The following CRYZL1 variants were observed in gnomAD, a reference collection of about 807,000 sequenced individuals.
The protein encoded by CRYZL1 is crystallin zeta like 1.
Under a neutral mutation model 50.6 loss-of-function variants are expected in CRYZL1, and 34 were observed. The ratio of observed to expected loss-of-function variants is 0.67; its 90% CI spans 0.51 to 0.89. CRYZL1 has a LOEUF of 0.89. CRYZL1 is among the 40% of genes least tolerant of loss of function. The pLI, the probability that CRYZL1 is intolerant of heterozygous loss-of-function variation, is 0.00. For synonymous variants in CRYZL1, 125 were observed against 134.3 expected (o/e 0.93, Z 0.48); for missense variants, 354 against 402.3 (o/e 0.88, Z 1.03).
At chr21:33,640,543 G>A (rs1305537932) in intron 1 of CRYZL1, among the ~76,000 whole-genome samples, 3 of 152,046 alleles carry the variant, frequency 2.0e-5, no homozygotes, top group Non-Finnish European at 2.9e-5. Flanking sequence ...AATAATACCT[G>A]CAAAGCACTC....
chr21:33,608,900 CTA>C (rs1374732228), intron 6 of CRYZL1, among the ~76,000 whole-genome samples: 1 of 152,122 alleles, frequency 6.6e-6, no homozygotes, highest in Non-Finnish European at 1.5e-5. Flanking sequence ...TATGGTAATT[CTA>C]TGTTTTGATT....
intron 3 of CRYZL1, among the ~76,000 whole-genome samples, chr21:33,622,867 G>T (rs185314320): frequency 8.1e-4 from 123 of 151,946 alleles, no homozygotes; most frequent in African/African-American, 2.8e-3. Context: ...ATACTTGATG[G>T]TCAGAAGTCT....
chr21:33,592,032 TAA>T (rs975439150), intron 11 of CRYZL1, among the ~76,000 whole-genome samples: 6 of 152,150 alleles, frequency 3.9e-5, no homozygotes, highest in Middle Eastern at 3.4e-3. Flanking sequence ...CATTATACAT[TAA>T]GTCATCTCTA....
intron 1 of CRYZL1, among the ~76,000 whole-genome samples, chr21:33,635,165 G>C (rs1033609862): frequency 1.3e-5 from 2 of 151,796 alleles, no homozygotes; most frequent in African/African-American, 4.8e-5. Flanking sequence ...TGGTAGAATG[G>C]ATGGTATTCA....
In CRYZL1 at chr21:33,611,822, T is replaced by G. The variant is rs183958082; in HGVS notation, c.331+1716A>C. ...CCACCCAACTTTCCATCCTCTACCT[T>G]TTCTCTATATCCTTAAATAACATAT... On this transcript the variant is annotated intron_variant, in intron 6 of 12. Transcript: ENST00000381554. 3.3e-5 allele frequency among the ~76,000 whole-genome samples: 5 copies of G among 152,288 alleles called. No individual in the cohort carries two copies. In the East Asian group the frequency reaches 7.7e-4, roughly 23 times the overall value.
chr21:33,600,656 C>T (rs1403800268), intron 8 of CRYZL1, among the ~76,000 whole-genome samples: 8 of 148,338 alleles, frequency 5.4e-5, no homozygotes, highest in East Asian at 2.0e-4. Context: ...GATGGAGTCT[C>T]GCTCTGTCAC....
chr21:33,601,778 G>A (rs1294022054), intron 8 of CRYZL1, among the ~76,000 whole-genome samples: 6 of 151,860 alleles, frequency 4.0e-5, no homozygotes, highest in Non-Finnish European at 7.4e-5. Flanking sequence ...TTAGCTGGGC[G>A]TGATGGCATA....
intron 1 of CRYZL1, among the ~76,000 whole-genome samples, chr21:33,633,041 C>T (rs1438754523): frequency 2.0e-5 from 3 of 152,186 alleles, no homozygotes; most frequent in African/African-American, 7.2e-5. Context: ...GTGAGTCTCA[C>T]TCATGTTGTT....
chr21:33,640,635 C>G (rs1343886706), intron 1 of CRYZL1, among the ~76,000 whole-genome samples: 1 of 152,190 alleles, frequency 6.6e-6, no homozygotes, highest in African/African-American at 2.4e-5. Flanking sequence ...TACAGAGAAT[C>G]TCTAAAGTAG....
In CRYZL1 at chr21:33,603,514, A is replaced by C; in HGVS notation, c.355T>G (p.Trp119Gly). The C allele has an allele frequency of 6.2e-7, 1 of 1,614,160 alleles. No homozygotes were observed. Among genetic ancestry groups the C allele is most frequent in the Non-Finnish European group, 8.5e-7 (1 of 1,180,050 alleles). Residue 119 changes from tryptophan to glycine, a missense_variant, in exon 7 of 13, where the codon TGG becomes GGG. Physicochemically the swap from Trp to Gly is radical, Grantham distance 184. Coordinates refer to ENST00000381554, the MANE Select transcript of CRYZL1 (RefSeq NM_145858.3). The stretch of plus-strand genomic sequence containing the variant: ...CGAATGCTTCCTGCTGCTTCCGTCC[A>C]TGTGACCTTTTCTGGTTTATGAACT... The part of the protein sequence containing the change: ...YLVHKPEKVT[W>G]TEAAGSIRDG...
intron 4 of CRYZL1, 90 bp downstream of exon 4, chr21:33,621,906 T>C (rs2087007004): frequency 5.2e-6 from 4 of 763,064 alleles, no homozygotes; most frequent in South Asian, 1.9e-5. Flanking sequence ...AAAGGCTGTA[T>C]ATAATTTTAT....
intron 2 of CRYZL1, among the ~76,000 whole-genome samples, chr21:33,630,457 G>A (rs2087124520): frequency 1.3e-5 from 2 of 152,006 alleles, no homozygotes; most frequent in Admixed American, 1.3e-4. Context: ...GTGATGGTGC[G>A]TGCCTGTAAT....
At chr21:33,621,329 A>AT (rs1244121755) in intron 4 of CRYZL1, among the ~76,000 whole-genome samples, 3 of 150,856 alleles carry the variant, frequency 2.0e-5, no homozygotes, top group Admixed American at 6.6e-5. Flanking sequence ...ACATCATGTA[A>AT]TTTTTTTTCA....
At position 33,595,836 on chromosome 21, in the gene CRYZL1, A is replaced by T; in HGVS notation, c.799T>A (p.Leu267Met). ...AGGCAGTGGCTATCTGGAGGATCCA[A>T]CTTGGATAGAATGAAACAAAGACTA... The part of the protein sequence containing the change: ...HWVTTEENLQ[L>M]DPPDSHCLFL... The change falls in exon 11 of 13, where the codon TTG becomes ATG. Residue 267 changes from leucine (L) to methionine (M), a missense_variant and splice_region_variant. Leu to Met is a conservative substitution (Grantham distance 15). Coordinates refer to ENST00000381554, the MANE Select transcript of CRYZL1 (RefSeq NM_145858.3). 1 of 1,596,900 alleles carries T rather than the reference A, an allele frequency of 6.3e-7. No individual in the cohort carries two copies. The highest frequency in any genetic ancestry group is 8.6e-7 in the Non-Finnish European group (1 of 1,164,324).
At chr21:33,623,658 G>A (rs2087027410) in intron 3 of CRYZL1, among the ~76,000 whole-genome samples, 1 of 152,100 alleles carries the variant, frequency 6.6e-6, no homozygotes, top group Non-Finnish European at 1.5e-5. Context: ...TTTCCTAAGT[G>A]TGACTTTATC....
intron 12 of CRYZL1, 43 bp from the exon 13 acceptor site, chr21:33,589,964 T>A (rs1253159151): frequency 8.5e-7 from 1 of 1,177,940 alleles, no homozygotes; most frequent in African/African-American, 1.5e-5. Context: ...TAGTTAAAGA[T>A]AAGTAGAACA....
chr21:33,640,423 T>C (rs550537666), intron 1 of CRYZL1, among the ~76,000 whole-genome samples: 2 of 151,948 alleles, frequency 1.3e-5, no homozygotes, highest in African/African-American at 2.4e-5. Context: ...GGGGCTTTCC[T>C]ACTTATTAGC....
chr21:33,594,156 CTTT>C (rs755337244), intron 11 of CRYZL1, among the ~76,000 whole-genome samples: 5 of 138,376 alleles, frequency 3.6e-5, no homozygotes, highest in East Asian at 2.1e-4. Flanking sequence ...TGGACATTTA[CTTT>C]TTTTTTTTTT....
At chr21:33,632,847 C>T (rs2087157620) in intron 1 of CRYZL1, among the ~76,000 whole-genome samples, 2 of 152,164 alleles carry the variant, frequency 1.3e-5, no homozygotes, top group African/African-American at 4.8e-5. Context: ...TGTGAATATG[C>T]CCACATCATG....
Sources: allele counts gnomAD v4.1 joint callset (sites outside exome capture counted in the v4.1 genomes callset), GRCh38; gene constraint gnomAD v4.1.1; transcripts MANE v1.5; gene names NCBI Gene and HGNC (gene_info 2026-07-23, HGNC 2026-07-21).